LDLRAD3: variants seen among roughly 807,000 people sequenced by gnomAD.
LDLRAD3 encodes the protein low-density lipoprotein receptor class A domain-containing protein 3.
In LDLRAD3, 20 loss-of-function variants were observed where a neutral mutation model predicts 29.4. The ratio of observed to expected loss-of-function variants is 0.68; its 90% CI spans 0.48 to 0.99. The LOEUF is 0.99. Ranked by LOEUF, LDLRAD3 falls within the 50% of genes least tolerant of loss-of-function variation. The pLI is 0.00. For synonymous variants in LDLRAD3, 157 were observed against 192.7 expected, an observed-to-expected ratio of 0.81 and a Z score of 1.53; for missense variants, 420 against 454.3, an observed-to-expected ratio of 0.92 and a Z score of 0.69.
chr11:36,006,623 T>C (rs1158531714), intron 1 of LDLRAD3, among the ~76,000 whole-genome samples: 2 of 152,238 alleles, frequency 1.3e-5, no homozygotes, highest in African/African-American at 2.4e-5. Flanking sequence ...TGTCTGATTA[T>C]GTTTCCTTGG....
intron 1 of LDLRAD3, among the ~76,000 whole-genome samples, chr11:35,949,472 C>G (rs907961727): frequency 3.9e-5 from 6 of 152,126 alleles, no homozygotes; most frequent in African/African-American, 1.4e-4. Context: ...TATTGTTCTT[C>G]TGGGCTCCCC....
intron 1 of LDLRAD3, 105 bp from the exon 2 acceptor site, chr11:36,035,998 A>T: frequency 9.0e-7 from 1 of 1,106,244 alleles, no homozygotes. Context: ...AGGTTGAGTC[A>T]TCTACCAGAA....
chr11:36,095,980 A>G (rs147528129), intron 3 of LDLRAD3, among the ~76,000 whole-genome samples: 154 of 152,288 alleles, frequency 1.0e-3, no homozygotes, highest in African/African-American at 3.6e-3. Context: ...GGATTTCTCC[A>G]TCTCGGTTTT....
chr11:36,218,222 A>C (rs1475461316), intron 4 of LDLRAD3, among the ~76,000 whole-genome samples: 1 of 152,146 alleles, frequency 6.6e-6, no homozygotes, highest in African/African-American at 2.4e-5. Flanking sequence ...TATTTAGTTC[A>C]AATCAGGAAT....
At chr11:36,091,677 A>T (rs1440410580) in intron 3 of LDLRAD3, among the ~76,000 whole-genome samples, 1 of 152,214 alleles carries the variant, frequency 6.6e-6, no homozygotes, top group Non-Finnish European at 1.5e-5. Context: ...AATATTGTAA[A>T]ATAGAATGTT....
intron 4 of LDLRAD3, among the ~76,000 whole-genome samples, chr11:36,205,103 C>T (rs1855187581): frequency 6.6e-6 from 1 of 152,144 alleles, no homozygotes; most frequent in Non-Finnish European, 1.5e-5. Flanking sequence ...GCTGGGACTC[C>T]AGCGCCATGT....
chr11:36,081,674 G>C lies in LDLRAD3; in HGVS notation c.215G>C (p.Gly72Ala). The change falls in exon 3 of 6, where the codon GGC (glycine) becomes GCC (alanine). Residue 72 changes from glycine (G) to alanine (A), a missense_variant. Gly to Ala is a moderately conservative substitution (Grantham distance 60). This residue lies in a region of LDLRAD3 where 224 missense variants were observed against 222.2 expected (regional missense o/e 1.01). Transcript: ENST00000315571. ...GCAGCCAAGGCTAAGTCGAAATGTG[G>C]CCCAACCTTCTTCCCCTGTGCCAGC... ...KECPKAKSKC[G>A]PTFFPCASGI... 2 of 1,614,230 alleles carry C rather than the reference G, an allele frequency of 1.2e-6. No homozygotes were observed. Among genetic ancestry groups the C allele is most frequent in the Non-Finnish European group, 1.7e-6 (2 of 1,180,046 alleles).
At chr11:36,094,432 C>T (rs568447285) in intron 3 of LDLRAD3, among the ~76,000 whole-genome samples, 51 of 152,326 alleles carry the variant, frequency 3.3e-4, no homozygotes, top group African/African-American at 1.1e-3. Flanking sequence ...CCAAAACCTA[C>T]AATATTTACT....
chr11:36,083,735 TACACACACAC>T (rs59333454), intron 3 of LDLRAD3, among the ~76,000 whole-genome samples: 4,965 of 126,860 alleles, frequency 0.039, 108 homozygotes, highest in Non-Finnish European at 0.052. Context: ...AGGGAGAAAT[TACACACACAC>T]ACACACACAC....
chr11:36,227,293 G>A lies in LDLRAD3; in HGVS notation c.663G>A (p.Val221=), dbSNP rs754184080. Residue 221 remains valine, a synonymous_variant, in exon 5 of 6, where the codon GTG becomes GTA. Coordinates refer to ENST00000315571, the MANE Select transcript of LDLRAD3 (RefSeq NM_174902.4). ...ACCCTGTGCTGCTGTCCCGCCTGGT[G>A]GTCCTGGACCACCCCCACCACTGCA... is the stretch of plus-strand genomic sequence containing the variant. ...LQHPVLLSRL[V]VLDHPHHCNV... 150 of 1,613,966 alleles carry A rather than the reference G, an allele frequency of 9.3e-5. No individual in the cohort carries two copies. The highest frequency in any genetic ancestry group is 4.5e-4 in the South Asian group (41 of 91,060).
chr11:36,041,685 G>C (rs976987281), intron 2 of LDLRAD3, among the ~76,000 whole-genome samples: 1 of 152,192 alleles, frequency 6.6e-6, no homozygotes, highest in Admixed American at 6.5e-5. Flanking sequence ...AGAGCCTTAA[G>C]ATCTTTTTCC....
At chr11:36,128,247 A>C (rs1853871622) in intron 4 of LDLRAD3, among the ~76,000 whole-genome samples, 1 of 151,818 alleles carries the variant, frequency 6.6e-6, no homozygotes, top group Non-Finnish European at 1.5e-5. Context: ...GCATCTGTAT[A>C]AATACCCTCC....
At chr11:36,070,220 T>C (rs1472804337) in intron 2 of LDLRAD3, among the ~76,000 whole-genome samples, 1 of 152,250 alleles carries the variant, frequency 6.6e-6, no homozygotes, top group African/African-American at 2.4e-5. Flanking sequence ...GCAGATTCTT[T>C]ATTGCCTCTT....
At chr11:35,949,581 C>CTG (rs906223562) in intron 1 of LDLRAD3, among the ~76,000 whole-genome samples, 2 of 152,198 alleles carry the variant, frequency 1.3e-5, no homozygotes, top group East Asian at 1.9e-4. Context: ...TAGCGGCAAG[C>CTG]TGTGTGTGTG....
chr11:36,072,237 A>G (rs987961088), intron 2 of LDLRAD3, among the ~76,000 whole-genome samples: 6 of 152,220 alleles, frequency 3.9e-5, no homozygotes, highest in Non-Finnish European at 5.9e-5. Context: ...AGCTGTTTCC[A>G]TAGCCTGAGA....
In LDLRAD3 at chr11:35,944,199, G is replaced by T; in HGVS notation, c.46+55G>T. On this transcript the variant is annotated intron_variant, in intron 1 of 5. Transcript: ENST00000315571. This position sits in a 1 kb window ranked among gnomAD's most constrained non-coding sequence, Gnocchi z 4.9. The stretch of plus-strand genomic sequence containing the variant: ...CGCGGGGCGCGGGGCGCGGGGCGCG[G>T]GGCGCAGCGGCCGGGTGCGATCGCG... 1 of 959,876 alleles carries T rather than the reference G, an allele frequency of 1.0e-6. No homozygotes were observed. The highest frequency in any genetic ancestry group is 1.8e-5 in the African/African-American group (1 of 56,408). 59.5% of individuals were successfully genotyped at this position (959,876 alleles called of 1,614,324 possible).
At chr11:36,092,428 G>A (rs1853296961) in intron 3 of LDLRAD3, among the ~76,000 whole-genome samples, 1 of 152,068 alleles carries the variant, frequency 6.6e-6, no homozygotes, top group African/African-American at 2.4e-5. Context: ...GTACATTTTT[G>A]TTAAGTGTAT....
In LDLRAD3 at chr11:36,195,167, G is replaced by A. The variant is rs748656783; in HGVS notation, c.455-31918G>A. The stretch of plus-strand genomic sequence containing the variant: ...AAAGCCCTTGGTAAATGTTAGCCAC[G>A]GCTGCTATCATCATCTTCATCATCA... On this transcript the variant is annotated intron_variant, in intron 4 of 5. Coordinates refer to ENST00000315571, the MANE Select transcript of LDLRAD3 (RefSeq NM_174902.4). 9.5e-4 allele frequency among the ~76,000 whole-genome samples: 144 copies of A among 152,126 alleles called. 3 individuals are homozygous for A. Among genetic ancestry groups the A allele is most frequent in the Non-Finnish European group, 3.7e-4 (25 of 68,034 alleles).
At chr11:36,215,411 G>A (rs1236734272) in intron 4 of LDLRAD3, among the ~76,000 whole-genome samples, 1 of 152,190 alleles carries the variant, frequency 6.6e-6, no homozygotes, top group Non-Finnish European at 1.5e-5. Flanking sequence ...GACACTACGG[G>A]GAGCCAGAGT....
Sources: gnomAD v4.1 joint callset for allele counts (sites outside exome capture counted in the v4.1 genomes callset) on GRCh38, gnomAD v4.1.1 for gene constraint, gnomAD v4.1.1 regional missense constraint, Gnocchi (gnomAD v3.1) non-coding constraint, MANE v1.5 for transcripts, NCBI Gene and HGNC (gene_info 2026-07-23, HGNC 2026-07-21) for gene names.